The following IGSF9 variants were observed in gnomAD, a reference collection of about 807,000 sequenced individuals.
The protein encoded by IGSF9 is protein turtle homolog A.
A neutral mutation model predicts 121.7 loss-of-function variants in IGSF9; 87 were observed. The ratio of observed to expected loss-of-function variants is 0.71; its 90% CI spans 0.60 to 0.85. The LOEUF (loss-of-function observed/expected upper bound fraction) is 0.85. Among genes scored for constraint, IGSF9 ranks in the 40% least tolerant of loss-of-function variants. IGSF9 has a pLI of 0.00. For synonymous variants in IGSF9, 640 were observed against 648.4 expected, an observed-to-expected ratio of 0.99 and a Z score of 0.20; for missense variants, 1,462 against 1,565.3, an observed-to-expected ratio of 0.93 and a Z score of 1.11.
intron 1 of IGSF9, among the ~76,000 whole-genome samples, chr1:159,944,572 C>CA (rs1050097364): frequency 2.6e-5 from 4 of 151,676 alleles, no homozygotes; most frequent in African/African-American, 7.3e-5. Flanking sequence ...AGGCATGGTC[C>CA]AAAAAAAAGC....
rs756089238 is a variant in IGSF9 at position 159,934,247 on chromosome 1, G to T, written c.1047C>A (p.Asn349Lys). The change falls in exon 9 of 21, where the codon AAC becomes AAA. Residue 349 changes from asparagine (N) to lysine (K), a missense_variant. Asn to Lys is a moderately conservative substitution (Grantham distance 94). This residue lies in a region of IGSF9 where 558 missense variants were observed against 599.4 expected (regional missense o/e 0.93). Transcript: ENST00000368094. ...TCCAGCTGACAAAGAGCAGTGGGGG[G>T]TTGGCACGAACCGGGCAGCGGATCA... ...PGVIRCPVRA[N>K]PPLLFVSWTK... The T allele has an allele frequency of 1.2e-5, 20 of 1,614,072 alleles. No homozygotes were observed. The highest frequency in any genetic ancestry group is 1.7e-5 in the Non-Finnish European group (20 of 1,179,996).
chr1:159,931,729 C>T lies in IGSF9; in HGVS notation c.1362+83G>A, dbSNP rs1458410189. The stretch of plus-strand genomic sequence containing the variant: ...CTGACAGCCTTCTCCTTCCCACACC[C>T]TCCCTCCCACAAAATGGCTGGGGCA... On this transcript the variant is annotated intron_variant, in intron 11 of 20. Coordinates refer to ENST00000368094, the MANE Select transcript of IGSF9 (RefSeq NM_001135050.2). This position sits in a 1 kb window ranked among gnomAD's most constrained non-coding sequence, Gnocchi z 4.8. 12 of 1,471,370 alleles carry T rather than the reference C, an allele frequency of 8.2e-6. No individual in the cohort carries two copies. The East Asian group carries it at 2.5e-4, about 31-fold the overall frequency. 91.1% of individuals were successfully genotyped at this position (1,471,370 alleles called of 1,614,324 possible). A position where few individuals can be genotyped will look rare whatever the true frequency, so the allele number is the denominator to read the frequency against.
rs1650996487 is a variant in IGSF9 at position 159,931,496 on chromosome 1, A to G, written c.1470T>C (p.Asn490=). Residue 490 remains asparagine (N), a synonymous_variant, in exon 12 of 21, where the codon AAT becomes AAC. Transcript: ENST00000368094. The surrounding 1 kb of genome is among the most constrained non-coding windows in gnomAD (Gnocchi z 4.8). ...TGGAGGTGGCCACTCGGGCCACAGC[A>G]TTGCTGGCACTGCATTCCCAGTGCC... The part of the protein sequence containing the change: ...AHGHWECSAS[N]AVARVATSTN... The G allele has an allele frequency of 6.2e-7, 1 of 1,614,122 alleles. No homozygotes were observed. The highest frequency in any genetic ancestry group is 1.7e-4 in the Middle Eastern group (1 of 6,060).
At chr1:159,930,102 C>A (rs1460740937) in intron 15 of IGSF9, 87 bp downstream of exon 15, 2 of 1,549,796 alleles carry the variant, frequency 1.3e-6, no homozygotes, top group Admixed American at 1.8e-5. Context: ...GAGCTCAAAT[C>A]AAGATGAGAA....
intron 17 of IGSF9, 66 bp downstream of exon 17, chr1:159,929,572 G>GT: frequency 6.5e-7 from 1 of 1,528,052 alleles, no homozygotes; most frequent in Non-Finnish European, 8.8e-7. Flanking sequence ...TTTCCCCCAG[G>GT]TAGGAGGGGC....
intron 3 of IGSF9, among the ~76,000 whole-genome samples, chr1:159,942,591 G>A (rs939407462): frequency 6.6e-6 from 1 of 152,214 alleles, no homozygotes; most frequent in Non-Finnish European, 1.5e-5. Context: ...GCCAAGAGGG[G>A]AGACTACAGA....
Position 159,929,413 on chromosome 1 carries a change from G to A in IGSF9, c.2327-20C>T, listed in dbSNP as rs1186490154. 6.2e-7 allele frequency: 1 copy of A among 1,613,780 alleles called. No homozygotes were observed. The highest frequency in any genetic ancestry group is 1.3e-5 in the African/African-American group (1 of 74,924). On this transcript the variant is annotated intron_variant, in intron 17 of 20. Transcript: ENST00000368094. ...GTGGATCTGGAAGGGCATGAGAATA[G>A]TAGGTGACACAGGCAAAAATCAAGG...
chr1:159,929,443 C>T (rs780262643), intron 17 of IGSF9, 50 bp from the exon 18 acceptor site: 1 of 1,601,574 alleles, frequency 6.2e-7, no homozygotes, highest in East Asian at 2.2e-5. Flanking sequence ...TCAAGGCCCT[C>T]TAGGCGGAGA....
In IGSF9 at chr1:159,932,225, A is replaced by G; in HGVS notation, c.1245+287T>C. The G allele has an allele frequency of 1.7e-6, 1 of 573,710 alleles. No homozygotes were observed. The highest frequency in any genetic ancestry group is 2.1e-5 in the South Asian group (1 of 47,672). 35.5% of individuals were successfully genotyped at this position (573,710 alleles called of 1,614,324 possible). A position where few individuals can be genotyped will look rare whatever the true frequency, so the allele number is the denominator to read the frequency against. ...ACCTCTGCAGAACATTCTTCCTCCCAGAGCCCCAGAGAGGGAGGCAGCACG... is the reference window on the plus strand; with the variant it reads ...ACCTCTGCAGAACATTCTTCCTCCCGGAGCCCCAGAGAGGGAGGCAGCACG... On this transcript the variant is annotated intron_variant, in intron 10 of 20. Transcript: ENST00000368094. This position sits in a 1 kb window ranked among gnomAD's most constrained non-coding sequence, Gnocchi z 4.1.
chr1:159,927,346 C>T lies in IGSF9; in HGVS notation c.3539G>A (p.Ter1180=). ...VPHPEQATLL[*] is the part of the protein sequence containing the mutation. ...TTCACAGCCTCACATCAGGGATGTT[C>T]ACAGCAGAGTGGCCTGTTCGGGGTG... The change falls in exon 21 of 21, where the codon TGA becomes TAA. Residue 1180 remains the stop codon, a stop_retained_variant. Transcript: ENST00000368094. The T allele has an allele frequency of 6.2e-7, 1 of 1,613,604 alleles. No individual in the cohort carries two copies. Among genetic ancestry groups the T allele is most frequent in the Non-Finnish European group, 8.5e-7 (1 of 1,180,044 alleles).
rs1650949680 is a variant in IGSF9, at chr1:159,930,378, G to T, written c.1875C>A (p.Ser625=). The T allele has an allele frequency of 1.9e-6, 3 of 1,587,032 alleles. No individual in the cohort carries two copies. In the East Asian group the frequency reaches 6.7e-5, roughly 36 times the overall value. ...LPPTEIPPPL[S]PPRGLVAVRT... ...TCACTGCCACCAGACCCCGCGGAGG[G>T]GACAGGGGAGGCGGTATCTCTGTTG... The change falls in exon 15 of 21, where the codon TCC becomes TCA. Residue 625 remains serine (S), a synonymous_variant. Coordinates refer to ENST00000368094, the MANE Select transcript of IGSF9 (RefSeq NM_001135050.2).
rs541458495 is a variant in IGSF9, at chr1:159,931,925, G to A, written c.1249C>T (p.Pro417Ser). ...TTGGGCCGCTCTATAAAAGCTGGGG[G>A]AGCCTGCAAGCCAGATCTGGCATTG... Reference protein sequence around the residue: ...SPVTRVLLKAPPAFIERPKEE... With the variant: ...SPVTRVLLKASPAFIERPKEE... The change falls in exon 11 of 21, where the codon CCC becomes TCC. Residue 417 changes from proline (P) to serine (S), a missense_variant. Pro to Ser is a moderately conservative substitution (Grantham distance 74). Transcript: ENST00000368094. The surrounding 1 kb of genome is among the most constrained non-coding windows in gnomAD (Gnocchi z 4.8). 4 of 1,586,214 alleles carry A rather than the reference G, an allele frequency of 2.5e-6. 1 individual carries two copies. The South Asian group carries it at 4.6e-5, about 18-fold the overall frequency.
chr1:159,927,731 A>G (rs779260087), intron 20 of IGSF9, 29 bp downstream of exon 20: 1 of 1,608,516 alleles, frequency 6.2e-7, no homozygotes, highest in Non-Finnish European at 8.5e-7. Flanking sequence ...TATGGCCGAG[A>G]TGCCTGCCTT....
At chr1:159,942,875 A>T (rs12731748) in intron 3 of IGSF9, 88 bp downstream of exon 3, 89,170 of 1,063,882 alleles carry the variant, frequency 0.084, 3,954 homozygotes, top group Middle Eastern at 0.11. Context: ...GCAGGGACAA[A>T]GCCGTTCATA....
intron 3 of IGSF9, among the ~76,000 whole-genome samples, chr1:159,941,871 C>G (rs1025418801): frequency 3.9e-5 from 6 of 152,242 alleles, no homozygotes; most frequent in Non-Finnish European, 7.3e-5. Context: ...GACACATACA[C>G]TCCCACCAGG....
chr1:159,943,523 C>T lies in IGSF9; in HGVS notation c.-69G>A. ...CCCAGATGGAGGGGCCAAGGGATGT[C>T]CTTCTGATCAGCTCAGGGAACAGGT... is the stretch of plus-strand genomic sequence containing the variant. On this transcript the variant is annotated 5_prime_UTR_variant, in exon 2 of 21. Coordinates refer to ENST00000368094, the MANE Select transcript of IGSF9 (RefSeq NM_001135050.2). The T allele has an allele frequency of 7.1e-7, 1 of 1,414,526 alleles. No homozygotes were observed. Among genetic ancestry groups the T allele is most frequent in the Non-Finnish European group, 9.4e-7 (1 of 1,059,494 alleles). The allele number at this position is 1,414,526 out of a possible 1,614,324, so 87.6% of individuals were successfully genotyped here.
intron 6 of IGSF9, among the ~76,000 whole-genome samples, chr1:159,935,097 G>C (rs899302601): frequency 1.3e-5 from 2 of 152,134 alleles, no homozygotes; most frequent in East Asian, 1.9e-4. Flanking sequence ...GTGTTTGGGG[G>C]AGTCAGTTTA....
intron 18 of IGSF9, 26 bp downstream of exon 18, chr1:159,929,321 GAAGA>G (rs1291485402): frequency 1.2e-6 from 2 of 1,610,398 alleles, no homozygotes; most frequent in African/African-American, 2.7e-5. Flanking sequence ...TGGAAAGGCA[GAAGA>G]AAGCCAAGGA....
Position 159,927,246 on chromosome 1 carries a change from G to A in IGSF9, c.*99C>T. ...GGGTCTGTGCCTGGGCACCAAAGGGGCAGGCAGGGGCAGTGCCCTCGTTTG... is the reference window on the plus strand; with the variant it reads ...GGGTCTGTGCCTGGGCACCAAAGGGACAGGCAGGGGCAGTGCCCTCGTTTG... On this transcript the variant is annotated 3_prime_UTR_variant, in exon 21 of 21. Coordinates refer to ENST00000368094, the MANE Select transcript of IGSF9 (RefSeq NM_001135050.2). 1 of 1,427,234 alleles carries A rather than the reference G, an allele frequency of 7.0e-7. No homozygotes were observed. Among genetic ancestry groups the A allele is most frequent in the Non-Finnish European group, 9.8e-7 (1 of 1,017,262 alleles). The allele number at this position is 1,427,234 out of a possible 1,614,324, so 88.4% of individuals were successfully genotyped here.
Sources: gnomAD v4.1 joint callset for allele counts (sites outside exome capture counted in the v4.1 genomes callset) on GRCh38, gnomAD v4.1.1 for gene constraint, gnomAD v4.1.1 regional missense constraint, Gnocchi (gnomAD v3.1) non-coding constraint, MANE v1.5 for transcripts, NCBI Gene and HGNC (gene_info 2026-07-23, HGNC 2026-07-21) for gene names.